ROBO2: variants seen among roughly 807,000 people sequenced by gnomAD.
The protein encoded by ROBO2 is roundabout guidance receptor 2.
A neutral mutation model predicts 160.8 loss-of-function variants in ROBO2; 53 were observed. The observed-to-expected ratio is 0.33, with a 90% CI of 0.26 to 0.41. ROBO2 has a LOEUF of 0.41. Among genes scored for constraint, ROBO2 ranks in the 10% least tolerant of loss-of-function variants. The probability of loss-of-function intolerance (pLI) is 1.00; values close to 1 mark genes in which losing one functional copy is unlikely to be tolerated. For missense variants in ROBO2, 1,577 were observed against 1,722.4 expected (o/e 0.92, Z 1.49); for synonymous variants, 664 against 611.7 (o/e 1.09, Z -1.26).
At chr3:76,220,477 A>C (rs1371541458) in intron 2 of ROBO2, among the ~76,000 whole-genome samples, 6 of 152,124 alleles carry the variant, frequency 3.9e-5, no homozygotes, top group Admixed American at 2.6e-4. Context: ...GAGACCAGTG[A>C]GGCTGCTTTT....
intron 1 of ROBO2, among the ~76,000 whole-genome samples, chr3:77,071,947 C>T (rs1334135949): frequency 2.0e-5 from 3 of 152,098 alleles, no homozygotes; most frequent in African/African-American, 7.2e-5. Context: ...CCCTGGGCCC[C>T]GGACCAGTAC....
intron 2 of ROBO2, among the ~76,000 whole-genome samples, chr3:76,141,060 C>CATATATGTATATATATATATAT (rs1553656034): frequency 1.9e-5 from 1 of 53,578 alleles, no homozygotes; most frequent in African/African-American, 7.0e-5. Context: ...TTTTTACATA[C>CATATATGTATATATATATATAT]ATATATATAT....
chr3:77,344,659 G>T (rs1450021357), intron 2 of ROBO2, among the ~76,000 whole-genome samples: 2 of 152,066 alleles, frequency 1.3e-5, no homozygotes, highest in Non-Finnish European at 2.9e-5. Flanking sequence ...CCAGTATAGG[G>T]TGTTTTTTTG....
intron 2 of ROBO2, among the ~76,000 whole-genome samples, chr3:76,151,763 A>G (rs775732096): frequency 5.3e-5 from 8 of 152,194 alleles, no homozygotes; most frequent in Admixed American, 4.6e-4. Context: ...GAGAGGGGAC[A>G]AAACCTTTCC....
At chr3:76,589,047 C>G (rs1268939618) in intron 2 of ROBO2, among the ~76,000 whole-genome samples, 1 of 151,938 alleles carries the variant, frequency 6.6e-6, no homozygotes, top group East Asian at 1.9e-4. Flanking sequence ...ATTTGAACAC[C>G]CTGTAAACAC....
chr3:77,487,195 A>G (rs7610881), intron 4 of ROBO2, among the ~76,000 whole-genome samples: 16,280 of 152,178 alleles, frequency 0.11, 1,112 homozygotes, highest in South Asian at 0.21. Flanking sequence ...AGCATGTGGT[A>G]TAAGAACATG....
At chr3:76,152,057 T>C (rs1193790176) in intron 2 of ROBO2, among the ~76,000 whole-genome samples, 1 of 152,190 alleles carries the variant, frequency 6.6e-6, no homozygotes. Flanking sequence ...ATTTTTCTAA[T>C]GAGCTTTAAA....
intron 2 of ROBO2, among the ~76,000 whole-genome samples, chr3:77,164,958 C>T (rs1351508546): frequency 1.3e-5 from 2 of 148,310 alleles, no homozygotes; most frequent in African/African-American, 5.0e-5. Flanking sequence ...CCCCCCAACC[C>T]GGCCAGCCGC....
intron 2 of ROBO2, among the ~76,000 whole-genome samples, chr3:76,182,629 G>T (rs1171364658): frequency 6.6e-6 from 1 of 151,990 alleles, no homozygotes; most frequent in East Asian, 1.9e-4. Context: ...GAATTACATT[G>T]TGCTCTCTTA....
intron 2 of ROBO2, among the ~76,000 whole-genome samples, chr3:77,350,380 A>AT (rs1347155532): frequency 6.6e-6 from 1 of 151,978 alleles, no homozygotes; most frequent in African/African-American, 2.4e-5. Context: ...CTGAATTGTG[A>AT]TTTTATGTAT....
In ROBO2 at chr3:76,567,642, TATATATATATAC is replaced by T. The variant is rs1381158677; in HGVS notation, c.110-530370_110-530359del. Among the ~76,000 whole-genome samples, 923 of 95,906 alleles carry T rather than the reference TATATATATATAC, an allele frequency of 9.6e-3. 44 individuals carry two copies. The highest frequency in any genetic ancestry group is 0.029 in the African/African-American group (773 of 26,288). 62.9% of individuals were successfully genotyped at this position (95,906 alleles called of 152,430 possible). On this transcript the variant is annotated intron_variant, in intron 2 of 26. Transcript: ENST00000487694. ...ACTGATATATATATATATATATATA[TATATATATATAC>T]ACATACACATATATATACATATATA...
intron 17 of ROBO2, among the ~76,000 whole-genome samples, chr3:77,593,204 A>C (rs1226533864): frequency 1.6e-5 from 2 of 128,806 alleles, no homozygotes; most frequent in African/African-American, 5.9e-5. Context: ...CAATCACTTG[A>C]TAGTCCATTA....
intron 2 of ROBO2, among the ~76,000 whole-genome samples, chr3:76,834,563 G>A (rs548365134): frequency 1.2e-4 from 19 of 152,012 alleles, no homozygotes; most frequent in Admixed American, 9.2e-4. Flanking sequence ...TGTAGAGACG[G>A]GTTTCAACAT....
chr3:76,756,791 A>T (rs2060998580), intron 2 of ROBO2, among the ~76,000 whole-genome samples: 1 of 151,998 alleles, frequency 6.6e-6, no homozygotes, highest in African/African-American at 2.4e-5. Flanking sequence ...GTCTACAGGA[A>T]GACACGCCCT....
intron 2 of ROBO2, among the ~76,000 whole-genome samples, chr3:76,219,010 A>T (rs140726263): frequency 2.2e-3 from 333 of 152,330 alleles, no homozygotes; most frequent in African/African-American, 7.7e-3. Flanking sequence ...GTAATGCCGC[A>T]TATCTACAAC....
intron 2 of ROBO2, among the ~76,000 whole-genome samples, chr3:77,323,310 T>C (rs1467713717): frequency 6.6e-6 from 1 of 151,662 alleles, no homozygotes; most frequent in East Asian, 1.9e-4. Flanking sequence ...CCTTTGGCAA[T>C]ACTCACCTGC....
intron 2 of ROBO2, among the ~76,000 whole-genome samples, chr3:76,442,268 CA>C (rs902381707): frequency 2.0e-5 from 3 of 152,144 alleles, no homozygotes; most frequent in African/African-American, 7.2e-5. Context: ...TCATCTGCGT[CA>C]AAAACTGCCC....
chr3:76,638,827 T>C (rs1274896727), intron 2 of ROBO2, among the ~76,000 whole-genome samples: 2 of 152,200 alleles, frequency 1.3e-5, no homozygotes, highest in Non-Finnish European at 2.9e-5. Flanking sequence ...TCAGATCATT[T>C]CTGTATTTCA....
At chr3:77,444,224 C>T (rs369641716) in intron 2 of ROBO2, among the ~76,000 whole-genome samples, 4 of 152,068 alleles carry the variant, frequency 2.6e-5, no homozygotes, top group East Asian at 1.9e-4. Context: ...TGTAGGTTCA[C>T]GTCTTTATGT....
Sources: allele counts gnomAD v4.1 joint callset (sites outside exome capture counted in the v4.1 genomes callset), GRCh38; gene constraint gnomAD v4.1.1; transcripts MANE v1.5; gene names NCBI Gene and HGNC (gene_info 2026-07-23, HGNC 2026-07-21).